The following SSBP3 variants were observed in gnomAD, a reference collection of about 807,000 sequenced individuals.
SSBP3 encodes single-stranded DNA-binding protein 3.
SSBP3 carries 5 observed loss-of-function variants against 69.6 expected under a neutral mutation model. The ratio of observed to expected loss-of-function variants is 0.07; its 90% CI spans 0.04 to 0.15. The LOEUF (loss-of-function observed/expected upper bound fraction) is 0.15, where lower values mean the gene tolerates loss of function less well. SSBP3 is among the 10% of genes least tolerant of loss of function. The probability of loss-of-function intolerance (pLI) is 1.00; values close to 1 mark genes in which losing one functional copy is unlikely to be tolerated. For synonymous variants in SSBP3, 196 were observed against 193.4 expected (o/e 1.01, Z -0.11); for missense variants, 312 against 534.0 (o/e 0.58, Z 4.10).
Position 54,258,714 on chromosome 1 carries a change from AC to A in SSBP3, c.367-566del, listed in dbSNP as rs1050314491. On this transcript the variant is annotated intron_variant, in intron 5 of 17. Transcript: ENST00000610401. This position sits in a 1 kb window ranked among gnomAD's most constrained non-coding sequence, Gnocchi z 4.5. Reference sequence around the variant, plus strand: ...GGGGGCAGGAGGGCCGGGGGCACCGACAGATAAACAACAGAGGCAAGAGGAG... The same window carrying A: ...GGGGGCAGGAGGGCCGGGGGCACCGAAGATAAACAACAGAGGCAAGAGGAG... Among the ~76,000 whole-genome samples, 6 of 152,148 alleles carry A rather than the reference AC, an allele frequency of 3.9e-5. No individual in the cohort carries two copies. The highest frequency in any genetic ancestry group is 1.4e-4 in the African/African-American group (6 of 41,432).
intron 7 of SSBP3, among the ~76,000 whole-genome samples, chr1:54,255,878 G>C (rs926771391): frequency 2.0e-5 from 3 of 152,146 alleles, no homozygotes; most frequent in African/African-American, 7.2e-5. Flanking sequence ...TTTGAGACCA[G>C]CTGGCCAACA....
intron 4 of SSBP3, among the ~76,000 whole-genome samples, chr1:54,295,668 G>C (rs1645691328): frequency 6.6e-6 from 1 of 152,162 alleles, no homozygotes; most frequent in Admixed American, 6.5e-5. Flanking sequence ...AGGAGATAAT[G>C]AAAGGGCTGT....
At chr1:54,282,581 T>C (rs1450690375) in intron 4 of SSBP3, among the ~76,000 whole-genome samples, 1 of 152,220 alleles carries the variant, frequency 6.6e-6, no homozygotes, top group African/African-American at 2.4e-5. Flanking sequence ...AAAGGATCTG[T>C]GTGCAACCTA....
At chr1:54,255,024 G>T (rs1644894310) in intron 7 of SSBP3, among the ~76,000 whole-genome samples, 1 of 151,926 alleles carries the variant, frequency 6.6e-6, no homozygotes, top group Admixed American at 6.6e-5. Context: ...GTAGAGACAG[G>T]GTTTCACCAT....
intron 13 of SSBP3, among the ~76,000 whole-genome samples, 159 bp from the exon 14 acceptor site, chr1:54,239,358 A>G (rs1644562844): frequency 6.6e-6 from 1 of 152,252 alleles, no homozygotes; most frequent in African/African-American, 2.4e-5. Flanking sequence ...AAGATTCACA[A>G]AGTTTTTAAT....
chr1:54,256,015 G>A (rs1233017261), intron 7 of SSBP3, among the ~76,000 whole-genome samples: 1 of 152,012 alleles, frequency 6.6e-6, no homozygotes, highest in African/African-American at 2.4e-5. Flanking sequence ...GACGGAGGTT[G>A]CAGTGAGCAG....
rs550894377 is a variant in SSBP3 at position 54,325,863 on chromosome 1, G to A, written c.277-44336C>T. Among the ~76,000 whole-genome samples the A allele has an allele frequency of 5.3e-5, 8 of 152,110 alleles. No individual in the cohort carries two copies. In the East Asian group the frequency reaches 7.7e-4, roughly 15 times the overall value. On this transcript the variant is annotated intron_variant, in intron 4 of 17. Coordinates refer to ENST00000610401, the Ensembl canonical transcript of SSBP3. ...CCCTAGAACCAAACCTCTTATCTGC[G>A]GACTTAACACAGTGGCAAAGATAAT...
At chr1:54,405,017 G>A (rs1214589681) in intron 1 of SSBP3, 87 bp from the exon 2 acceptor site, 8 of 1,210,166 alleles carry the variant, frequency 6.6e-6, no homozygotes, top group East Asian at 2.4e-5. Flanking sequence ...CAGGCTTTGA[G>A]CCCTGTCTGC....
At chr1:54,247,061 G>A (rs1644746767) in intron 9 of SSBP3, among the ~76,000 whole-genome samples, 2 of 152,244 alleles carry the variant, frequency 1.3e-5, no homozygotes, top group Admixed American at 1.3e-4. Context: ...CAGCCGTGGG[G>A]CTGGCCACAT....
intron 4 of SSBP3, among the ~76,000 whole-genome samples, chr1:54,322,374 C>G (rs2100383235): frequency 6.6e-6 from 1 of 152,192 alleles, no homozygotes; most frequent in Non-Finnish European, 1.5e-5. Flanking sequence ...CAGCCATGGC[C>G]AATAGCCACC....
intron 4 of SSBP3, among the ~76,000 whole-genome samples, chr1:54,296,377 G>C (rs1466641548): frequency 1.3e-5 from 2 of 152,184 alleles, no homozygotes; most frequent in African/African-American, 4.8e-5. Context: ...TGCAAATCTG[G>C]CCTAAGGCAG....
chr1:54,323,607 C>A (rs111633068), intron 4 of SSBP3, among the ~76,000 whole-genome samples: 1,722 of 152,254 alleles, frequency 0.011, 31 homozygotes, highest in African/African-American at 0.035. Context: ...AAGGAAGGGC[C>A]GAGAGAAGGC....
chr1:54,406,718 C>A (rs1649802369), upstream of SSBP3, among the ~76,000 whole-genome samples: 1 of 151,928 alleles, frequency 6.6e-6, no homozygotes, highest in Admixed American at 6.5e-5. Flanking sequence ...CCGCGCTCCC[C>A]GCGGCGTGGA....
At chr1:54,302,316 TA>T (rs998805189) in intron 4 of SSBP3, among the ~76,000 whole-genome samples, 2 of 130,524 alleles carry the variant, frequency 1.5e-5, no homozygotes, top group African/African-American at 5.9e-5. Context: ...ACTCTGAGCA[TA>T]ATTTTTTTTT....
chr1:54,232,236 T>C (rs1644392195), intron 14 of SSBP3, among the ~76,000 whole-genome samples: 1 of 152,204 alleles, frequency 6.6e-6, no homozygotes, highest in Non-Finnish European at 1.5e-5. Context: ...TTTTATAACG[T>C]TTCTGTCCTC....
At position 54,242,252 on chromosome 1, in the gene SSBP3, G is replaced by A. The variant is rs1334368225; in HGVS notation, c.717-40C>T. ...AAGAGATGTGGACAATGAAAAAGGC[G>A]CTGTAAACTCCAAGCGGTGGAGGCA... On this transcript the variant is annotated intron_variant, in intron 10 of 17. Coordinates refer to ENST00000610401, the Ensembl canonical transcript of SSBP3. 5.0e-6 allele frequency: 8 copies of A among 1,611,646 alleles called. No homozygotes were observed. The East Asian group carries it at 1.1e-4, about 22-fold the overall frequency.
chr1:54,259,080 G>T (rs2100754679), intron 5 of SSBP3, among the ~76,000 whole-genome samples: 1 of 152,174 alleles, frequency 6.6e-6, no homozygotes, highest in African/African-American at 2.4e-5. Context: ...CTGGGCGACT[G>T]GGTGGGCTAT....
intron 4 of SSBP3, among the ~76,000 whole-genome samples, chr1:54,359,208 C>CAAAAAAAAAAAAAAAAAA: frequency 1.3e-5 from 1 of 75,448 alleles, no homozygotes; most frequent in Non-Finnish European, 2.7e-5. Flanking sequence ...ACCCTCCCCT[C>CAAAAAAAAAAAAAAAAAA]AAAAAAAAAA....
At chr1:54,364,251 A>G (rs1234043982) in intron 4 of SSBP3, among the ~76,000 whole-genome samples, 1 of 152,178 alleles carries the variant, frequency 6.6e-6, no homozygotes, top group Non-Finnish European at 1.5e-5. Flanking sequence ...ACAACCCACA[A>G]AGCCTGAAAT....
Sources: allele counts gnomAD v4.1 joint callset (sites outside exome capture counted in the v4.1 genomes callset), GRCh38; gene constraint gnomAD v4.1.1; non-coding constraint Gnocchi (gnomAD v3.1); transcripts MANE v1.5; gene names NCBI Gene and HGNC (gene_info 2026-07-23, HGNC 2026-07-21).